The following ETV1 variants were observed in gnomAD, a reference collection of about 807,000 sequenced individuals.
ETV1 encodes the protein ETS translocation variant 1.
ETV1 carries 27 observed loss-of-function variants against 62.3 expected under a neutral mutation model. That is an observed-to-expected ratio of 0.43 (90% CI 0.32 to 0.60). The LOEUF is 0.60. Ranked by LOEUF, ETV1 falls within the 20% of genes least tolerant of loss-of-function variation. ETV1 has a pLI of 0.06. For synonymous variants in ETV1, 222 were observed against 199.6 expected, an observed-to-expected ratio of 1.11 and a Z score of -0.94; for missense variants, 605 against 605.8, an observed-to-expected ratio of 1.00 and a Z score of 0.01.
intron 5 of ETV1, among the ~76,000 whole-genome samples, chr7:13,979,276 C>A (rs77795722): frequency 0.16 from 24,636 of 151,928 alleles, 2,279 homozygotes; most frequent in Middle Eastern, 0.29. Context: ...TTATTTTCTT[C>A]TTTCCAGTCC....
chr7:13,920,513 A>T (rs1784728708), intron 9 of ETV1, among the ~76,000 whole-genome samples: 1 of 151,868 alleles, frequency 6.6e-6, no homozygotes, highest in East Asian at 1.9e-4. Flanking sequence ...CAGGCTCTAT[A>T]GCGTCCATTC....
chr7:13,986,329 G>A, intron 5 of ETV1: 6 of 1,490,888 alleles, frequency 4.0e-6, no homozygotes, highest in Non-Finnish European at 4.4e-6. Context: ...ATATAAACCT[G>A]ATCAATTGCA....
In ETV1 at chr7:13,989,290, G is replaced by A. The variant is rs1782846224; in HGVS notation, c.-110C>T. 1.9e-6 allele frequency: 1 copy of A among 514,562 alleles called. No homozygotes were observed. Among genetic ancestry groups the A allele is most frequent in the Non-Finnish European group, 3.4e-6 (1 of 293,376 alleles). The allele number at this position is 514,562 out of a possible 1,614,324, so 31.9% of individuals were successfully genotyped here. On this transcript the variant is annotated 5_prime_UTR_variant, in exon 2 of 14. Transcript: ENST00000430479. ...CACCTGGATCCAAAGAGAGCCAACA[G>A]AGTTCACAATTTACATATTTTCGGT...
chr7:13,927,996 A>C (rs1785626199), intron 9 of ETV1, among the ~76,000 whole-genome samples: 1 of 152,216 alleles, frequency 6.6e-6, no homozygotes, highest in South Asian at 2.1e-4. Flanking sequence ...AGTAATCTGC[A>C]AGACATGGCA....
In ETV1 at chr7:13,947,031, C is replaced by G. The variant is rs142766992; in HGVS notation, c.236-7785G>C. ...GTCTCAAACTCCAGACCGCCTCGGC[C>G]TCCCAAAGTGCTGGGATTATAGGCG... On this transcript the variant is annotated intron_variant, in intron 6 of 13. Coordinates refer to ENST00000430479, the MANE Select transcript of ETV1 (RefSeq NM_004956.5). 5.5e-3 allele frequency among the ~76,000 whole-genome samples: 833 copies of G among 152,272 alleles called. 9 individuals carry two copies. Among genetic ancestry groups the G allele is most frequent in the African/African-American group, 0.019 (800 of 41,560 alleles).
chr7:13,908,698 G>A (rs997670225), intron 11 of ETV1, among the ~76,000 whole-genome samples: 2 of 152,030 alleles, frequency 1.3e-5, no homozygotes, highest in Non-Finnish European at 2.9e-5. Context: ...ACAAAGCTCG[G>A]GAACATGGGG....
At chr7:13,950,770 G>A (rs1562667665) in intron 6 of ETV1, among the ~76,000 whole-genome samples, 1 of 152,222 alleles carries the variant, frequency 6.6e-6, no homozygotes, top group South Asian at 2.1e-4. Flanking sequence ...CAGCCCTGAT[G>A]ATCTAACTCA....
At chr7:13,929,667 T>C (rs546826419) in intron 9 of ETV1, among the ~76,000 whole-genome samples, 75 of 152,286 alleles carry the variant, frequency 4.9e-4, no homozygotes, top group Non-Finnish European at 8.2e-4. Context: ...AGGAGCAATG[T>C]GCTCTGGTTT....
intron 9 of ETV1, among the ~76,000 whole-genome samples, chr7:13,916,705 G>T (rs996476838): frequency 2.0e-5 from 3 of 152,104 alleles, no homozygotes; most frequent in Admixed American, 6.6e-5. Flanking sequence ...GAGGTGGGAG[G>T]ATTGATTGAG....
intron 6 of ETV1, among the ~76,000 whole-genome samples, chr7:13,947,021 C>T (rs1462335229): frequency 1.3e-5 from 2 of 152,164 alleles, no homozygotes; most frequent in Non-Finnish European, 2.9e-5. Context: ...AAACTCCAGA[C>T]CGCCTCGGCC....
chr7:13,907,999 A>G (rs553099320), intron 11 of ETV1: 1 of 370,748 alleles, frequency 2.7e-6, no homozygotes, highest in African/African-American at 2.1e-5. Context: ...TCTGAGATTT[A>G]CAATGTTTTT....
At chr7:13,965,272 C>T (rs1042256872) in intron 6 of ETV1, among the ~76,000 whole-genome samples, 6 of 152,158 alleles carry the variant, frequency 3.9e-5, no homozygotes, top group African/African-American at 1.2e-4. Flanking sequence ...GAATAGTTCC[C>T]GAACACCATG....
rs1376539902 is a variant in ETV1 at position 13,906,574 on chromosome 7, C to T, written c.966G>A (p.Met322Ile). 3 of 1,610,564 alleles carry T rather than the reference C, an allele frequency of 1.9e-6. No homozygotes were observed. The highest frequency in any genetic ancestry group is 1.7e-5 in the Admixed American group (1 of 59,408). The change falls in exon 12 of 14, where the codon ATG (methionine) becomes ATA (isoleucine). Residue 322 changes from methionine (M) to isoleucine (I), a missense_variant. This residue lies in a region of ETV1 where 100 missense variants were observed against 156.4 expected (regional missense o/e 0.64). Transcript: ENST00000430479. ...GTTGGTATGTGGGTCCTTCCCGATA[C>T]ATTCCTGGCTCTTGTTTGATGTCTC... ...FDGDIKQEPG[M>I]YREGPTYQRR...
At chr7:13,901,300 T>C (rs1463754617) in intron 12 of ETV1, among the ~76,000 whole-genome samples, 1 of 152,190 alleles carries the variant, frequency 6.6e-6, no homozygotes, top group Non-Finnish European at 1.5e-5. Flanking sequence ...CCACTGCGCC[T>C]GGCCTGGTTT....
At chr7:13,978,714 A>T (rs80213020) in intron 5 of ETV1, among the ~76,000 whole-genome samples, 1 of 151,948 alleles carries the variant, frequency 6.6e-6, no homozygotes, top group Admixed American at 6.6e-5. Flanking sequence ...TCTACATTTT[A>T]AAAAAATTTT....
At position 13,918,949 on chromosome 7, in the gene ETV1, T is replaced by C. The variant is rs180938105; in HGVS notation, c.803-7642A>G. Among the ~76,000 whole-genome samples, 556 of 152,162 alleles carry C rather than the reference T, an allele frequency of 3.7e-3. 1 individual carries two copies. Among genetic ancestry groups the C allele is most frequent in the African/African-American group, 0.01 (424 of 41,518 alleles). ...GCACAATATGATTGTTTTAAGAGTA[T>C]TGTCTCTCTTATTTTATCTTATCCT... On this transcript the variant is annotated intron_variant, in intron 9 of 13. Coordinates refer to ENST00000430479, the MANE Select transcript of ETV1 (RefSeq NM_004956.5).
At chr7:13,954,829 T>C (rs1019157814) in intron 6 of ETV1, among the ~76,000 whole-genome samples, 1 of 152,116 alleles carries the variant, frequency 6.6e-6, no homozygotes, top group Non-Finnish European at 1.5e-5. Context: ...AACAACCCCA[T>C]TGGTAGACAA....
At chr7:13,917,042 C>T (rs1784252598) in intron 9 of ETV1, among the ~76,000 whole-genome samples, 2 of 151,924 alleles carry the variant, frequency 1.3e-5, no homozygotes, top group South Asian at 4.1e-4. Context: ...AAGTTTAAGG[C>T]TACATGGCGA....
intron 6 of ETV1, among the ~76,000 whole-genome samples, chr7:13,961,132 C>G (rs1790117109): frequency 6.7e-6 from 1 of 148,948 alleles, no homozygotes; most frequent in Non-Finnish European, 1.5e-5. Context: ...GAAAACAGAG[C>G]AAGACCTCAT....
Sources: gnomAD v4.1 joint callset for allele counts (sites outside exome capture counted in the v4.1 genomes callset) on GRCh38, gnomAD v4.1.1 for gene constraint, gnomAD v4.1.1 regional missense constraint, MANE v1.5 for transcripts, NCBI Gene and HGNC (gene_info 2026-07-23, HGNC 2026-07-21) for gene names.